Variants in GTF2A1L observed in about 807,000 individuals in gnomAD.
GTF2A1L encodes general transcription factor IIA subunit 1 like.
In GTF2A1L, 48 loss-of-function variants were observed where a neutral mutation model predicts 49.7. The ratio of observed to expected loss-of-function variants is 0.97; its 90% CI spans 0.77 to 1.23. The LOEUF is 1.23. Ranked by LOEUF, GTF2A1L falls within the 50% of genes most tolerant of loss-of-function variation. The probability of loss-of-function intolerance (pLI) is 0.00; values close to 1 mark genes in which losing one functional copy is unlikely to be tolerated. For synonymous variants in GTF2A1L, 246 were observed against 193.5 expected, an observed-to-expected ratio of 1.27 and a Z score of -2.25; for missense variants, 736 against 564.8, an observed-to-expected ratio of 1.30 and a Z score of -3.07.
intron 8 of GTF2A1L, among the ~76,000 whole-genome samples, chr2:48,673,358 A>AG (rs1679276786): frequency 1.8e-5 from 2 of 109,078 alleles, no homozygotes; most frequent in Non-Finnish European, 3.6e-5. Flanking sequence ...GACACAGGAA[A>AG]CTTTTTTTTT....
Position 48,645,237 on chromosome 2 carries a change from G to T in GTF2A1L, c.388+120G>T, listed in dbSNP as rs183210266. 573 of 914,564 alleles carry T rather than the reference G, an allele frequency of 6.3e-4. 2 individuals carry two copies. In the African/African-American group the frequency reaches 8.8e-3, roughly 14 times the overall value. The allele number at this position is 914,564 out of a possible 1,614,324, so 56.7% of individuals were successfully genotyped here. ...AGTTATAAGAACTTTTAATAAAATT[G>T]ATTTTAAAAGTAATGATAAATGGTG... On this transcript the variant is annotated intron_variant, in intron 5 of 8. Coordinates refer to ENST00000403751, the MANE Select transcript of GTF2A1L (RefSeq NM_006872.5).
chr2:48,620,764 A>G lies in GTF2A1L; in HGVS notation c.22-87A>G, dbSNP rs942106627. 15 of 825,266 alleles carry G rather than the reference A, an allele frequency of 1.8e-5. No individual in the cohort carries two copies. In the South Asian group the frequency reaches 3.8e-4, roughly 21 times the overall value. 51.1% of individuals were successfully genotyped at this position (825,266 alleles called of 1,614,324 possible). On this transcript the variant is annotated intron_variant, in intron 1 of 8. Coordinates refer to ENST00000403751, the MANE Select transcript of GTF2A1L (RefSeq NM_006872.5). ...CGCACTCCAGCCTGGGCAACAGAGC[A>G]TGACTCCATCTCAAGAATAAATAAA... is the stretch of plus-strand genomic sequence containing the variant.
chr2:48,649,783 T>TTA (rs1466349895), intron 6 of GTF2A1L, among the ~76,000 whole-genome samples: 1 of 152,204 alleles, frequency 6.6e-6, no homozygotes, highest in Non-Finnish European at 1.5e-5. Flanking sequence ...TTCAGGCACC[T>TTA]TAATATACAT....
intron 6 of GTF2A1L, among the ~76,000 whole-genome samples, chr2:48,654,677 C>G (rs1011373664): frequency 4.6e-5 from 7 of 152,126 alleles, no homozygotes; most frequent in Admixed American, 1.3e-4. Flanking sequence ...AGCCACCGTG[C>G]CTGGATAGCT....
chr2:48,637,469 A>G (rs760918255), intron 3 of GTF2A1L, among the ~76,000 whole-genome samples: 16 of 152,224 alleles, frequency 1.1e-4, no homozygotes, highest in Non-Finnish European at 2.1e-4. Flanking sequence ...GGACACAGCT[A>G]AGGCAGTGTT....
At chr2:48,629,826 T>C (rs1676477167) in intron 3 of GTF2A1L, among the ~76,000 whole-genome samples, 1 of 144,810 alleles carries the variant, frequency 6.9e-6, no homozygotes, top group Non-Finnish European at 1.6e-5. Flanking sequence ...TAGTTCATTC[T>C]TCTGCATATG....
intron 6 of GTF2A1L, among the ~76,000 whole-genome samples, chr2:48,666,616 T>C (rs1365935517): frequency 6.6e-6 from 1 of 151,716 alleles, no homozygotes; most frequent in Non-Finnish European, 1.5e-5. Context: ...TGTGTGTTTG[T>C]GTGTGTGTGT....
intron 3 of GTF2A1L, among the ~76,000 whole-genome samples, chr2:48,639,792 A>G (rs887980783): frequency 6.6e-6 from 1 of 152,190 alleles, no homozygotes; most frequent in Non-Finnish European, 1.5e-5. Flanking sequence ...TTTGCAAACT[A>G]TGTATCTGAC....
At chr2:48,641,616 C>G (rs1677203285) in intron 3 of GTF2A1L, among the ~76,000 whole-genome samples, 1 of 152,104 alleles carries the variant, frequency 6.6e-6, no homozygotes, top group Non-Finnish European at 1.5e-5. Flanking sequence ...CCTTGAGTAT[C>G]TAAGGTATAT....
At chr2:48,646,328 A>G in intron 5 of GTF2A1L, 125 bp from the exon 6 acceptor site, 1 of 770,898 alleles carries the variant, frequency 1.3e-6, no homozygotes, top group Non-Finnish European at 1.9e-6. Flanking sequence ...AGAGATAACC[A>G]CCATTAACAT....
At position 48,669,763 on chromosome 2, in the gene GTF2A1L, T is replaced by A; in HGVS notation, c.1020T>A (p.Asp340Glu). The part of the protein sequence containing the change: ...SQVDLSIRVT[D>E]DDIGEIIQVD... ...TGGATTTAAGCATTCGGGTTACTGA[T>A]GATGATATTGGTGAAATAATTCAAG... The change falls in exon 7 of 9, where the codon GAT becomes GAA. Residue 340 changes from aspartate to glutamate, a missense_variant. By Grantham distance (45) the Asp-to-Glu change is conservative. Transcript: ENST00000403751. 3.1e-6 allele frequency: 5 copies of A among 1,613,872 alleles called. No homozygotes were observed. Among genetic ancestry groups the A allele is most frequent in the Non-Finnish European group, 4.2e-6 (5 of 1,179,900 alleles).
intron 6 of GTF2A1L, among the ~76,000 whole-genome samples, chr2:48,658,930 A>G (rs981721894): frequency 6.6e-6 from 1 of 151,956 alleles, no homozygotes; most frequent in Non-Finnish European, 1.5e-5. Flanking sequence ...AAGCTCTTAT[A>G]TCTCCTTAAC....
intron 8 of GTF2A1L, among the ~76,000 whole-genome samples, chr2:48,675,487 A>G (rs78653242): frequency 0.028 from 4,252 of 152,204 alleles, 184 homozygotes; most frequent in African/African-American, 0.095. Context: ...GTACAGTGCA[A>G]AAGGGCTAAA....
rs576026675 is a variant in GTF2A1L, at chr2:48,661,740, A to G, written c.979-7982A>G. Among the ~76,000 whole-genome samples the G allele has an allele frequency of 3.7e-4, 57 of 152,150 alleles. 2 individuals carry two copies. In the South Asian group the frequency reaches 7.1e-3, roughly 19 times the overall value. ...CATAGCCACTGCAGCTCTATTGGTT[A>G]TCATTTGCATGGAATTTATTTTTCC... On this transcript the variant is annotated intron_variant, in intron 6 of 8. Transcript: ENST00000403751.
intron 6 of GTF2A1L, among the ~76,000 whole-genome samples, chr2:48,652,726 GCT>G (rs1343272448): frequency 6.6e-6 from 1 of 150,586 alleles, no homozygotes; most frequent in Non-Finnish European, 1.5e-5. Flanking sequence ...ATGGAGTCTC[GCT>G]CTGTCGCCCA....
chr2:48,670,062 A>G (rs1449872667), intron 7 of GTF2A1L, 80 bp downstream of exon 7: 3 of 1,506,406 alleles, frequency 2.0e-6, no homozygotes, highest in Admixed American at 4.5e-5. Flanking sequence ...ACCAAAAGGA[A>G]TAGCAAGATT....
chr2:48,645,729 A>G lies in GTF2A1L; in HGVS notation c.388+612A>G, dbSNP rs983578279. Among the ~76,000 whole-genome samples the G allele has an allele frequency of 5.3e-5, 8 of 152,164 alleles. No individual in the cohort carries two copies. In the South Asian group the frequency reaches 6.2e-4, roughly 12 times the overall value. On this transcript the variant is annotated intron_variant, in intron 5 of 8. Coordinates refer to ENST00000403751, the MANE Select transcript of GTF2A1L (RefSeq NM_006872.5). ...AGTGGCGCAATCTCTGCTCACTGCAAGCTCCGCCTCCTGGGTTCACGCCAT... is the reference window on the plus strand; with the variant it reads ...AGTGGCGCAATCTCTGCTCACTGCAGGCTCCGCCTCCTGGGTTCACGCCAT...
chr2:48,648,887 C>T (rs1053885520), intron 6 of GTF2A1L, among the ~76,000 whole-genome samples: 2 of 152,000 alleles, frequency 1.3e-5, no homozygotes, highest in Admixed American at 6.6e-5. Flanking sequence ...AGATAGTAAG[C>T]AGTTTGGTAG....
At chr2:48,654,569 A>C (rs1048183515) in intron 6 of GTF2A1L, among the ~76,000 whole-genome samples, 3 of 152,312 alleles carry the variant, frequency 2.0e-5, no homozygotes, top group Middle Eastern at 3.4e-3. Flanking sequence ...TTTTTAGTAC[A>C]GACAGGGTTT....
Sources: allele counts gnomAD v4.1 joint callset (sites outside exome capture counted in the v4.1 genomes callset), GRCh38; gene constraint gnomAD v4.1.1; transcripts MANE v1.5; gene names NCBI Gene and HGNC (gene_info 2026-07-23, HGNC 2026-07-21).